Variants in CHN2 observed in about 807,000 individuals in gnomAD.
The protein encoded by CHN2 is beta-chimaerin.
CHN2 carries 35 observed loss-of-function variants against 56.3 expected under a neutral mutation model. The ratio of observed to expected loss-of-function variants is 0.62; its 90% CI spans 0.47 to 0.82. CHN2 has a LOEUF of 0.82. Among genes scored for constraint, CHN2 ranks in the 40% least tolerant of loss-of-function variants. The pLI, the probability that CHN2 is intolerant of heterozygous loss-of-function variation, is 0.00. For missense variants in CHN2, 491 were observed against 580.5 expected, an observed-to-expected ratio of 0.85 and a Z score of 1.58; for synonymous variants, 210 against 212.8, an observed-to-expected ratio of 0.99 and a Z score of 0.12.
chr7:29,450,052 T>C (rs890985314), intron 6 of CHN2, among the ~76,000 whole-genome samples: 3 of 152,162 alleles, frequency 2.0e-5, no homozygotes, highest in African/African-American at 7.2e-5. Context: ...TTTAAGAAAT[T>C]CAGGGTGTGT....
intron 3 of CHN2, among the ~76,000 whole-genome samples, chr7:29,388,798 G>C (rs967095110): frequency 6.6e-6 from 1 of 152,170 alleles, no homozygotes; most frequent in African/African-American, 2.4e-5. Flanking sequence ...GAGACCATTG[G>C]GCTGAAAACA....
intron 1 of CHN2, among the ~76,000 whole-genome samples, chr7:29,301,006 G>A (rs1585003250): frequency 8.0e-6 from 1 of 125,276 alleles, no homozygotes. Flanking sequence ...TTTTCTTTTA[G>A]TTAATTTTGA....
chr7:29,292,937 C>G, intron 1 of CHN2: 1 of 456,266 alleles, frequency 2.2e-6, no homozygotes, highest in Admixed American at 2.3e-5. Context: ...TATTCTGAAC[C>G]CAGAAGCCCG....
rs774356951 is a variant in CHN2, at chr7:29,398,422, G to T, written c.226G>T (p.Val76Leu). The stretch of plus-strand genomic sequence containing the variant: ...GCAGGCGGATGAGCTTCTTGGAGGC[G>T]TGGAGGGTGCCTACATCCTTAGAGA... Reference protein sequence around the residue: ...REQADELLGGVEGAYILRESQ... With the variant: ...REQADELLGGLEGAYILRESQ... The change falls in exon 5 of 13, where the codon GTG becomes TTG. Residue 76 changes from valine to leucine, a missense_variant. Transcript: ENST00000222792. 1 of 1,613,698 alleles carries T rather than the reference G, an allele frequency of 6.2e-7. No homozygotes were observed. Among genetic ancestry groups the T allele is most frequent in the Non-Finnish European group, 8.5e-7 (1 of 1,180,020 alleles).
chr7:29,188,192 C>T (rs973153602), intron 2 of CHN2, among the ~76,000 whole-genome samples: 23 of 152,194 alleles, frequency 1.5e-4, no homozygotes, highest in Non-Finnish European at 4.4e-5. Context: ...CCTAACTGGA[C>T]TTTTATGCTT....
chr7:29,512,856 C>T lies in CHN2; in HGVS notation c.*121C>T, dbSNP rs1163182935. On this transcript the variant is annotated 3_prime_UTR_variant, in exon 13 of 13. Coordinates refer to ENST00000222792, the MANE Select transcript of CHN2 (RefSeq NM_004067.4). Reference sequence around the variant, plus strand: ...GCAAGTGCTAGAATTTCCTGGACTGCAGAGGATCGCTGAGTGGGGTACTGT... The same window carrying T: ...GCAAGTGCTAGAATTTCCTGGACTGTAGAGGATCGCTGAGTGGGGTACTGT... 2.8e-6 allele frequency: 3 copies of T among 1,084,732 alleles called. No individual in the cohort carries two copies. Among genetic ancestry groups the T allele is most frequent in the East Asian group, 2.6e-5 (1 of 38,868 alleles). The allele number at this position is 1,084,732 out of a possible 1,614,324, so 67.2% of individuals were successfully genotyped here.
chr7:29,343,306 G>A (rs1411129857), intron 1 of CHN2, among the ~76,000 whole-genome samples: 7 of 152,210 alleles, frequency 4.6e-5, no homozygotes, highest in Non-Finnish European at 1.0e-4. Context: ...TCGGGAGAGA[G>A]GGAGATCAGG....
At chr7:29,211,064 T>TG (rs1182508269) in intron 1 of CHN2, among the ~76,000 whole-genome samples, 7 of 103,090 alleles carry the variant, frequency 6.8e-5, no homozygotes, top group African/African-American at 2.6e-4. Flanking sequence ...GTTTTGTTTT[T>TG]TTTTTTGTTG....
intron 2 of CHN2, among the ~76,000 whole-genome samples, chr7:29,172,985 G>T (rs1796804297): frequency 6.6e-6 from 1 of 152,134 alleles, no homozygotes; most frequent in South Asian, 2.1e-4. Flanking sequence ...ACAAAAATTA[G>T]CTGGGCATGG....
In CHN2 at chr7:29,507,245, A is replaced by G; in HGVS notation, c.1009A>G (p.Ile337Val). 1.2e-6 allele frequency: 2 copies of G among 1,608,502 alleles called. No homozygotes were observed. Among genetic ancestry groups the G allele is most frequent in the African/African-American group, 2.7e-5 (2 of 74,534 alleles). ...AFDRDGEKAD[I>V]SANVYPDINI... is the part of the protein sequence containing the mutation. Reference sequence around the variant, plus strand: ...TTTTTCAGATGGTGAAAAGGCCGATATATCTGCCAATGTCTATCCAGACAT... The same window carrying G: ...TTTTTCAGATGGTGAAAAGGCCGATGTATCTGCCAATGTCTATCCAGACAT... Residue 337 changes from isoleucine (I) to valine (V), a missense_variant, in exon 11 of 13, where the codon ATA becomes GTA. Physicochemically the swap from Ile to Val is conservative, Grantham distance 29. Transcript: ENST00000222792.
rs373080907 is a variant in CHN2, at chr7:29,270,154, C to T, written c.49+75164C>T. Among the ~76,000 whole-genome samples the T allele has an allele frequency of 2.0e-5, 3 of 152,244 alleles. No homozygotes were observed. In the East Asian group the frequency reaches 5.8e-4, roughly 29 times the overall value. Reference sequence around the variant, plus strand: ...TCAATTGTTGAACACTTTCTCCATGCCAGGCATTGAGCTAAATGCTTCACA... The same window carrying T: ...TCAATTGTTGAACACTTTCTCCATGTCAGGCATTGAGCTAAATGCTTCACA... On this transcript the variant is annotated intron_variant, in intron 1 of 12. Transcript: ENST00000222792.
rs180856053 is a variant in CHN2 at position 29,335,039 on chromosome 7, G to A, written c.50-19586G>A. ...CCTTTTGAATAGGTTGAATATAATA[G>A]TTTTGAAAATATTGGTGACATAAAA... On this transcript the variant is annotated intron_variant, in intron 1 of 12. Coordinates refer to ENST00000222792, the MANE Select transcript of CHN2 (RefSeq NM_004067.4). 3.3e-5 allele frequency among the ~76,000 whole-genome samples: 5 copies of A among 152,274 alleles called. No homozygotes were observed. In the East Asian group the frequency reaches 9.6e-4, roughly 29 times the overall value.
chr7:29,490,732 G>A (rs1788569840), intron 7 of CHN2, among the ~76,000 whole-genome samples: 1 of 152,164 alleles, frequency 6.6e-6, no homozygotes, highest in African/African-American at 2.4e-5. Flanking sequence ...GGTACCAAAT[G>A]TACTGTACCA....
intron 6 of CHN2, among the ~76,000 whole-genome samples, chr7:29,446,680 G>T (rs1784055333): frequency 6.6e-6 from 1 of 152,140 alleles, no homozygotes; most frequent in Non-Finnish European, 1.5e-5. Flanking sequence ...TACTGTTAGG[G>T]GTCTCCCTGG....
intron 11 of CHN2, among the ~76,000 whole-genome samples, 159 bp from the exon 12 acceptor site, chr7:29,509,142 C>T (rs993271792): frequency 2.6e-5 from 4 of 152,188 alleles, no homozygotes; most frequent in Non-Finnish European, 1.5e-5. Flanking sequence ...CTGAATGACA[C>T]AGGACACCAA....
intron 6 of CHN2, among the ~76,000 whole-genome samples, chr7:29,471,772 G>A (rs1378524741): frequency 6.6e-6 from 1 of 152,148 alleles, no homozygotes; most frequent in Non-Finnish European, 1.5e-5. Context: ...TTTTAGGACT[G>A]AGCCAGGTTA....
intron 1 of CHN2, among the ~76,000 whole-genome samples, chr7:29,302,780 A>G (rs188560993): frequency 6.6e-6 from 1 of 152,214 alleles, no homozygotes; most frequent in Admixed American, 6.5e-5. Context: ...CCTCTCCAGA[A>G]CCTGGCAGCC....
intron 6 of CHN2, among the ~76,000 whole-genome samples, chr7:29,438,239 T>G (rs17157980): frequency 0.083 from 12,652 of 152,246 alleles, 1,009 homozygotes; most frequent in African/African-American, 0.21. Context: ...AGAGAACCAT[T>G]AAAATTTTTT....
intron 1 of CHN2, among the ~76,000 whole-genome samples, chr7:29,319,314 T>A (rs918474234): frequency 6.6e-6 from 1 of 152,192 alleles, no homozygotes; most frequent in Non-Finnish European, 1.5e-5. Context: ...TCGCTTTAAG[T>A]ACTAGGCTCC....
Sources: allele counts gnomAD v4.1 joint callset (sites outside exome capture counted in the v4.1 genomes callset), GRCh38; gene constraint gnomAD v4.1.1; transcripts MANE v1.5; gene names NCBI Gene and HGNC (gene_info 2026-07-23, HGNC 2026-07-21).